GRM8: variants seen among roughly 807,000 people sequenced by gnomAD.
GRM8 encodes metabotropic glutamate receptor 8.
A neutral mutation model predicts 87.2 loss-of-function variants in GRM8; 47 were observed. The ratio of observed to expected loss-of-function variants is 0.54; its 90% CI spans 0.43 to 0.69. GRM8 has a LOEUF of 0.69. Ranked by LOEUF, GRM8 falls within the 30% of genes least tolerant of loss-of-function variation. The pLI is 0.00. For synonymous variants in GRM8, 396 were observed against 404.5 expected (o/e 0.98, Z 0.25); for missense variants, 1,019 against 1,139.2 (o/e 0.89, Z 1.52).
chr7:126,736,324 T>C (rs1283900678), intron 7 of GRM8, among the ~76,000 whole-genome samples: 1 of 152,110 alleles, frequency 6.6e-6, no homozygotes, highest in South Asian at 2.1e-4. Flanking sequence ...TTTAATTTCT[T>C]AAGCCATGTG....
intron 9 of GRM8, among the ~76,000 whole-genome samples, chr7:126,464,298 T>G (rs1027023579): frequency 6.6e-6 from 1 of 151,766 alleles, no homozygotes. Flanking sequence ...CCAATTTGCA[T>G]GGAATGTATT....
chr7:127,176,711 C>T (rs1794127437), intron 2 of GRM8, among the ~76,000 whole-genome samples: 1 of 152,230 alleles, frequency 6.6e-6, no homozygotes, highest in African/African-American at 2.4e-5. Flanking sequence ...TCCATGCAGA[C>T]AACCCCCAGT....
At chr7:127,015,062 A>AAAGAAGG (rs1563413473) in intron 3 of GRM8, among the ~76,000 whole-genome samples, 43 of 96,226 alleles carry the variant, frequency 4.5e-4, no homozygotes, top group Middle Eastern at 6.0e-3. Context: ...GAAGAAGAAG[A>AAAGAAGG]AGAAGAAAGA....
chr7:126,833,633 T>G (rs936858883), intron 6 of GRM8, among the ~76,000 whole-genome samples: 2 of 152,148 alleles, frequency 1.3e-5, no homozygotes, highest in African/African-American at 4.8e-5. Context: ...TCTCGTCTTA[T>G]AAGCACACTA....
At chr7:126,859,162 G>C (rs1391779060) in intron 6 of GRM8, among the ~76,000 whole-genome samples, 1 of 151,336 alleles carries the variant, frequency 6.6e-6, no homozygotes, top group African/African-American at 2.4e-5. Flanking sequence ...TCTCCTTGCT[G>C]GTTTGTTTGC....
At chr7:127,206,345 G>A (rs764097368) in intron 2 of GRM8, among the ~76,000 whole-genome samples, 5 of 152,134 alleles carry the variant, frequency 3.3e-5, no homozygotes, top group Non-Finnish European at 7.3e-5. Flanking sequence ...TTTAACCTGG[G>A]TTTTCCTAAT....
chr7:126,818,568 T>C (rs1195089274), intron 6 of GRM8, among the ~76,000 whole-genome samples: 1 of 152,200 alleles, frequency 6.6e-6, no homozygotes, highest in African/African-American at 2.4e-5. Flanking sequence ...TTTTTCCTGG[T>C]TTATTCAGTC....
chr7:126,649,116 G>T (rs1563056524), intron 7 of GRM8, among the ~76,000 whole-genome samples: 1 of 152,208 alleles, frequency 6.6e-6, no homozygotes, highest in African/African-American at 2.4e-5. Context: ...TGTGATAACA[G>T]AGACAAAGGA....
chr7:126,850,433 C>T (rs1485260004), intron 6 of GRM8, among the ~76,000 whole-genome samples: 2 of 152,158 alleles, frequency 1.3e-5, no homozygotes, highest in Non-Finnish European at 1.5e-5. Context: ...CTGGAACACA[C>T]CTGTAGTTGA....
At chr7:126,517,822 A>G (rs1812399592) in intron 9 of GRM8, among the ~76,000 whole-genome samples, 1 of 152,110 alleles carries the variant, frequency 6.6e-6, no homozygotes, top group Admixed American at 6.6e-5. Context: ...ATTATTTTAG[A>G]TAGATTGCCC....
intron 9 of GRM8, among the ~76,000 whole-genome samples, chr7:126,520,893 C>T (rs571185367): frequency 4.3e-4 from 65 of 152,020 alleles, no homozygotes; most frequent in Non-Finnish European, 7.5e-4. Flanking sequence ...TTTTTATTGT[C>T]AGTTCTTAAC....
At chr7:127,123,389 TG>T (rs528620764) in intron 2 of GRM8, among the ~76,000 whole-genome samples, 2 of 152,184 alleles carry the variant, frequency 1.3e-5, no homozygotes, top group Admixed American at 1.3e-4. Context: ...CTTACAAGGT[TG>T]GGGGAGTGAG....
At chr7:126,613,335 T>C (rs1354988810) in intron 7 of GRM8, among the ~76,000 whole-genome samples, 1 of 152,170 alleles carries the variant, frequency 6.6e-6, no homozygotes, top group African/African-American at 2.4e-5. Context: ...TCTGTTAATA[T>C]AGTCATTAAT....
At chr7:127,223,724 C>T (rs957306972) in intron 2 of GRM8, among the ~76,000 whole-genome samples, 1 of 152,048 alleles carries the variant, frequency 6.6e-6, no homozygotes, top group Non-Finnish European at 1.5e-5. Flanking sequence ...GTGGAGGTCA[C>T]ATGGAGAACC....
chr7:127,004,732 C>T (rs759675849), intron 3 of GRM8, among the ~76,000 whole-genome samples: 4 of 151,570 alleles, frequency 2.6e-5, no homozygotes, highest in Admixed American at 1.3e-4. Context: ...TTTCCAGAAT[C>T]GTAACCTTCA....
chr7:126,731,720 T>A (rs1017670075), intron 7 of GRM8, among the ~76,000 whole-genome samples: 1 of 152,110 alleles, frequency 6.6e-6, no homozygotes, highest in Non-Finnish European at 1.5e-5. Context: ...ATCATGGTAT[T>A]ATCAATACAT....
At chr7:126,687,107 A>G (rs111935599) in intron 7 of GRM8, among the ~76,000 whole-genome samples, 3 of 152,344 alleles carry the variant, frequency 2.0e-5, no homozygotes, top group Non-Finnish European at 4.4e-5. Context: ...TGACCACCAC[A>G]CAGGTCAGGA....
chr7:127,207,271 C>T (rs750468218), intron 2 of GRM8, among the ~76,000 whole-genome samples: 1 of 151,800 alleles, frequency 6.6e-6, no homozygotes, highest in African/African-American at 2.4e-5. Context: ...CCATCAGAAC[C>T]CTTATTTTCA....
At chr7:126,493,069 G>C (rs529771509) in intron 9 of GRM8, among the ~76,000 whole-genome samples, 1 of 151,942 alleles carries the variant, frequency 6.6e-6, no homozygotes, top group Non-Finnish European at 1.5e-5. Flanking sequence ...GTTTTGTTGA[G>C]CTTTGTTTGT....
Sources: allele counts gnomAD v4.1 joint callset (sites outside exome capture counted in the v4.1 genomes callset), GRCh38; gene constraint gnomAD v4.1.1; transcripts MANE v1.5; gene names NCBI Gene and HGNC (gene_info 2026-07-23, HGNC 2026-07-21).